The following MCM2 variants were observed in gnomAD, a reference collection of about 807,000 sequenced individuals.
MCM2 encodes DNA replication licensing factor MCM2.
Under a neutral mutation model 86.4 loss-of-function variants are expected in MCM2, and 49 were observed. The observed-to-expected ratio is 0.57, with a 90% CI of 0.45 to 0.72. The LOEUF (loss-of-function observed/expected upper bound fraction) is 0.72. MCM2 is among the 30% of genes least tolerant of loss of function. The pLI is 0.00. For missense variants in MCM2, 1,038 were observed against 1,259.9 expected, an observed-to-expected ratio of 0.82 and a Z score of 2.67; for synonymous variants, 475 against 484.6, an observed-to-expected ratio of 0.98 and a Z score of 0.26.
Position 127,608,430 on chromosome 3 carries a change from A to G in MCM2, c.1150A>G (p.Lys384Glu). The change falls in exon 7 of 16, where the codon AAA becomes GAA. Residue 384 changes from lysine (K) to glutamate (E), a missense_variant. Coordinates refer to ENST00000265056, the MANE Select transcript of MCM2 (RefSeq NM_004526.4). ...QRIRIQESPG[K>E]VAAGRLPRSK... ...TATCCGAATCCAGGAGAGTCCAGGC[A>G]AAGTGGCGGCTGGCCGGCTGCCCCG... is the stretch of plus-strand genomic sequence containing the variant. 1 of 1,614,228 alleles carries G rather than the reference A, an allele frequency of 6.2e-7. No homozygotes were observed. Among genetic ancestry groups the G allele is most frequent in the East Asian group, 2.2e-5 (1 of 44,882 alleles).
Position 127,605,094 on chromosome 3 carries a change from G to T in MCM2, c.611G>T (p.Arg204Leu). ...CACCACCGCTTCAAGAACTTCCTGC[G>T]CACTCACGTCGACAGCCACGGCCAC... ...EIHHRFKNFL[R>L]THVDSHGHNV... The change falls in exon 4 of 16, where the codon CGC becomes CTC. Residue 204 changes from arginine to leucine, a missense_variant. Around this residue, in one of 4 missense-constraint regions of MCM2, gnomAD observed 300 missense variants for 307.4 expected, o/e 0.98. Transcript: ENST00000265056. 4 of 1,614,006 alleles carry T rather than the reference G, an allele frequency of 2.5e-6. No individual in the cohort carries two copies. The highest frequency in any genetic ancestry group is 1.7e-5 in the Admixed American group (1 of 60,022).
At chr3:127,609,442 T>C (rs1200029549) in intron 8 of MCM2, among the ~76,000 whole-genome samples, 1 of 152,080 alleles carries the variant, frequency 6.6e-6, no homozygotes, top group Non-Finnish European at 1.5e-5. Flanking sequence ...CAACGGGAAT[T>C]TCTTCAGAAA....
chr3:127,604,446 G>A (rs767222788), intron 2 of MCM2, among the ~76,000 whole-genome samples, 162 bp from the exon 3 acceptor site: 1 of 152,176 alleles, frequency 6.6e-6, no homozygotes, highest in Non-Finnish European at 1.5e-5. Flanking sequence ...TTCATCCATT[G>A]GAGATCTTTT....
Position 127,617,127 on chromosome 3 carries a change from C to T in MCM2, c.1773+9C>T. On this transcript the variant is annotated intron_variant, in intron 10 of 15. Transcript: ENST00000265056. This position sits in a 1 kb window ranked among gnomAD's most constrained non-coding sequence, Gnocchi z 4.1. Reference sequence around the variant, plus strand: ...TTGATGAATTTGACAAGGTGGGTCCCTGGGTCACGGAGGCTGGTGGAACTC... The same window carrying T: ...TTGATGAATTTGACAAGGTGGGTCCTTGGGTCACGGAGGCTGGTGGAACTC... The T allele has an allele frequency of 6.2e-7, 1 of 1,611,420 alleles. No homozygotes were observed. The highest frequency in any genetic ancestry group is 8.5e-7 in the Non-Finnish European group (1 of 1,177,990).
intron 2 of MCM2, among the ~76,000 whole-genome samples, chr3:127,601,420 G>A (rs2074305636): frequency 6.6e-6 from 1 of 152,138 alleles, no homozygotes; most frequent in African/African-American, 2.4e-5. Flanking sequence ...CAGTGTAGTG[G>A]CACAATCTCA....
At position 127,606,730 on chromosome 3, in the gene MCM2, T is replaced by C. The variant is rs1238141946; in HGVS notation, c.1014T>C (p.Pro338=). ...NCNKCNFVLG[P]FCQSQNQEVK... ...ACAAGTGCAATTTCGTCCTGGGTCC[T>C]TTCTGCCAGTCCCAGAACCAGGAGG... Residue 338 remains proline, a synonymous_variant, in exon 6 of 16, where the codon CCT becomes CCC. Coordinates refer to ENST00000265056, the MANE Select transcript of MCM2 (RefSeq NM_004526.4). The surrounding 1 kb of genome is among the most constrained non-coding windows in gnomAD (Gnocchi z 4.2). 2 of 1,614,116 alleles carry C rather than the reference T, an allele frequency of 1.2e-6. No homozygotes were observed. The highest frequency in any genetic ancestry group is 1.7e-6 in the Non-Finnish European group (2 of 1,180,050).
At position 127,606,930 on chromosome 3, in the gene MCM2, G is replaced by A. The variant is rs2074356454; in HGVS notation, c.1101+113G>A. On this transcript the variant is annotated intron_variant, in intron 6 of 15. Transcript: ENST00000265056. The surrounding 1 kb of genome is among the most constrained non-coding windows in gnomAD (Gnocchi z 4.2). Reference sequence around the variant, plus strand: ...CAGTGTGGGCAGCCGCAAGAAGCAAGATAGAATTGTGTGTTGGCCACACCC... The same window carrying A: ...CAGTGTGGGCAGCCGCAAGAAGCAAAATAGAATTGTGTGTTGGCCACACCC... 5.6e-6 allele frequency: 6 copies of A among 1,064,460 alleles called. No homozygotes were observed. The highest frequency in any genetic ancestry group is 5.6e-5 in the South Asian group (4 of 71,116). The allele number at this position is 1,064,460 out of a possible 1,614,324, so 65.9% of individuals were successfully genotyped here. A position where few individuals can be genotyped will look rare whatever the true frequency, so the allele number is the denominator to read the frequency against.
At position 127,617,581 on chromosome 3, in the gene MCM2, G is replaced by A; in HGVS notation, c.1900+176G>A. The A allele has an allele frequency of 1.3e-6, 1 of 787,400 alleles. No homozygotes were observed. The highest frequency in any genetic ancestry group is 2.0e-6 in the Non-Finnish European group (1 of 508,634). The allele number at this position is 787,400 out of a possible 1,614,324, so 48.8% of individuals were successfully genotyped here. Reference sequence around the variant, plus strand: ...GGGGAACAGTGAAAGTGGGACCTGGGACACCTGGGTTTCCTGTTGAGTCAT... The same window carrying A: ...GGGGAACAGTGAAAGTGGGACCTGGAACACCTGGGTTTCCTGTTGAGTCAT... On this transcript the variant is annotated intron_variant, in intron 11 of 15. Coordinates refer to ENST00000265056, the MANE Select transcript of MCM2 (RefSeq NM_004526.4). The surrounding 1 kb of genome is among the most constrained non-coding windows in gnomAD (Gnocchi z 4.1).
At chr3:127,616,009 C>T (rs1186501426) in intron 9 of MCM2, 54 bp downstream of exon 9, 11 of 1,371,626 alleles carry the variant, frequency 8.0e-6, no homozygotes, top group Non-Finnish European at 1.1e-5. Flanking sequence ...CTTTGGGGAG[C>T]CAGCATTCAA....
At chr3:127,598,791 A>G (rs1026259173) in intron 1 of MCM2, 8 of 453,888 alleles carry the variant, frequency 1.8e-5, no homozygotes, top group African/African-American at 1.5e-4. Context: ...CACTCCTTTA[A>G]ACTTTTTTTT....
chr3:127,599,654 C>A, intron 2 of MCM2, 107 bp downstream of exon 2: 1 of 1,004,674 alleles, frequency 1.0e-6, no homozygotes, highest in Admixed American at 2.7e-5. Flanking sequence ...CGATGGCATT[C>A]TTGCCTTTGA....
In MCM2 at chr3:127,598,447, G is replaced by C. The variant is rs762963652; in HGVS notation, c.-20G>C. On this transcript the variant is annotated 5_prime_UTR_variant, in exon 1 of 16. Coordinates refer to ENST00000265056, the MANE Select transcript of MCM2 (RefSeq NM_004526.4). Reference sequence around the variant, plus strand: ...AAACCTGGTTGTTGCTGTAGTGGCGGAGAGGATCGTGGTACTGCTATGGCG... The same window carrying C: ...AAACCTGGTTGTTGCTGTAGTGGCGCAGAGGATCGTGGTACTGCTATGGCG... 5.0e-6 allele frequency: 8 copies of C among 1,613,398 alleles called. No individual in the cohort carries two copies. Among genetic ancestry groups the C allele is most frequent in the Non-Finnish European group, 6.8e-6 (8 of 1,179,602 alleles).
At chr3:127,607,004 G>A (rs1259841000) in intron 6 of MCM2, among the ~76,000 whole-genome samples, 187 bp downstream of exon 6, 1 of 152,206 alleles carries the variant, frequency 6.6e-6, no homozygotes, top group Non-Finnish European at 1.5e-5. Context: ...TGGCCCACAC[G>A]ACGTTTTTAG....
intron 8 of MCM2, among the ~76,000 whole-genome samples, chr3:127,613,948 T>A (rs1382477643): frequency 1.3e-5 from 2 of 152,204 alleles, no homozygotes; most frequent in Admixed American, 1.3e-4. Context: ...AGACTCATCC[T>A]TTTACAAGGA....
chr3:127,620,405 G>C (rs1447671346), intron 13 of MCM2, among the ~76,000 whole-genome samples: 2 of 152,182 alleles, frequency 1.3e-5, no homozygotes, highest in Non-Finnish European at 2.9e-5. Flanking sequence ...AACCAATACA[G>C]CTGGCCACAA....
rs747493705 is a variant in MCM2 at position 127,616,984 on chromosome 3, A to G, written c.1639A>G (p.Thr547Ala). The G allele has an allele frequency of 1.2e-6, 2 of 1,614,044 alleles. No homozygotes were observed. Among genetic ancestry groups the G allele is most frequent in the East Asian group, 2.2e-5 (1 of 44,868 alleles). Residue 547 changes from threonine to alanine, a missense_variant, in exon 10 of 16, where the codon ACT becomes GCT. Coordinates refer to ENST00000265056, the MANE Select transcript of MCM2 (RefSeq NM_004526.4). ...AGTGTCCAGCCGAGCCATCTTCACC[A>G]CTGGCCAGGGGGCGTCGGCTGTGGG... ...EKVSSRAIFT[T>A]GQGASAVGLT... is the part of the protein sequence containing the mutation.
Position 127,621,786 on chromosome 3 carries a change from T to C in MCM2, c.*13T>C. 1 of 1,602,578 alleles carries C rather than the reference T, an allele frequency of 6.2e-7. No individual in the cohort carries two copies. The highest frequency in any genetic ancestry group is 8.5e-7 in the Non-Finnish European group (1 of 1,170,294). ...GCAGCAGTTCTGAGGCCCTATGCCA[T>C]CCATAAGGATTCCTTGGGATTCTGG... On this transcript the variant is annotated 3_prime_UTR_variant, in exon 16 of 16. Coordinates refer to ENST00000265056, the MANE Select transcript of MCM2 (RefSeq NM_004526.4).
chr3:127,621,078 T>C lies in MCM2; in HGVS notation c.2454T>C (p.Phe818=), dbSNP rs576445144. Reference sequence around the variant, plus strand: ...CTGAGGCTTTTTTCCTGCAGACTTTTGCCCGCTACCTTTCATTCCGGCGTG... The same window carrying C: ...CTGAGGCTTTTTTCCTGCAGACTTTCGCCCGCTACCTTTCATTCCGGCGTG... The part of the protein sequence containing the change: ...FSVMRSMRKT[F]ARYLSFRRDN... The change falls in exon 15 of 16, where the codon TTT becomes TTC. Residue 818 remains phenylalanine (F), a synonymous_variant. Coordinates refer to ENST00000265056, the MANE Select transcript of MCM2 (RefSeq NM_004526.4). 6.2e-7 allele frequency: 1 copy of C among 1,614,230 alleles called. No individual in the cohort carries two copies. The highest frequency in any genetic ancestry group is 1.7e-5 in the Admixed American group (1 of 60,028).
intron 2 of MCM2, chr3:127,604,386 C>T: frequency 2.0e-6 from 1 of 507,496 alleles, no homozygotes; most frequent in Non-Finnish European, 3.5e-6. Context: ...GGCAGAATTT[C>T]CTTCTATTTT....
Sources: gnomAD v4.1 joint callset for allele counts (sites outside exome capture counted in the v4.1 genomes callset) on GRCh38, gnomAD v4.1.1 for gene constraint, gnomAD v4.1.1 regional missense constraint, Gnocchi (gnomAD v3.1) non-coding constraint, MANE v1.5 for transcripts, NCBI Gene and HGNC (gene_info 2026-07-23, HGNC 2026-07-21) for gene names.